The following SMIM14 variants were observed in gnomAD, a reference collection of about 807,000 sequenced individuals.
SMIM14 encodes the protein small integral membrane protein 14, also known as chromosome 4 open reading frame 34.
In SMIM14, 5 loss-of-function variants were observed where a neutral mutation model predicts 12.6. The observed-to-expected ratio is 0.40, with a 90% CI of 0.21 to 0.83. The LOEUF (loss-of-function observed/expected upper bound fraction) is 0.83. SMIM14 is among the 40% of genes least tolerant of loss of function. The probability of loss-of-function intolerance (pLI) is 0.37; values close to 1 mark genes in which losing one functional copy is unlikely to be tolerated. For synonymous variants in SMIM14, 30 were observed against 40.1 expected, an observed-to-expected ratio of 0.75 and a Z score of 0.95; for missense variants, 86 against 119.1, an observed-to-expected ratio of 0.72 and a Z score of 1.29.
intron 1 of SMIM14, among the ~76,000 whole-genome samples, chr4:39,631,674 T>A (rs929732381): frequency 4.7e-5 from 7 of 149,852 alleles, no homozygotes; most frequent in Admixed American, 6.6e-5. Flanking sequence ...AAAAAAAAAA[T>A]AAATATGTTA....
At chr4:39,609,568 G>A (rs992440732) in intron 1 of SMIM14, among the ~76,000 whole-genome samples, 4 of 152,150 alleles carry the variant, frequency 2.6e-5, no homozygotes, top group African/African-American at 9.7e-5. Context: ...ACATGTTGGA[G>A]GAACTGAAAG....
chr4:39,616,541 A>G (rs987642622), intron 1 of SMIM14, among the ~76,000 whole-genome samples: 29 of 151,914 alleles, frequency 1.9e-4, no homozygotes, highest in Admixed American at 6.6e-5. Context: ...TTCCTTTTTA[A>G]GTTAATCCTC....
chr4:39,633,831 T>C (rs776795514), intron 1 of SMIM14, among the ~76,000 whole-genome samples: 21 of 152,200 alleles, frequency 1.4e-4, no homozygotes, highest in South Asian at 6.2e-4. Context: ...GAGCAGGTAA[T>C]ACAAAAGGAA....
At chr4:39,588,816 TATAA>T (rs1713917372) in intron 2 of SMIM14, among the ~76,000 whole-genome samples, 1 of 151,656 alleles carries the variant, frequency 6.6e-6, no homozygotes, top group Non-Finnish European at 1.5e-5. Context: ...ATATTATTTA[TATAA>T]ATAATTAAAT....
At chr4:39,599,817 G>A (rs1271789041) in intron 2 of SMIM14, among the ~76,000 whole-genome samples, 1 of 151,998 alleles carries the variant, frequency 6.6e-6, no homozygotes, top group East Asian at 1.9e-4. Context: ...AGCTACTTGG[G>A]AGGCTGAGGC....
chr4:39,594,551 A>G (rs1364090356), intron 2 of SMIM14: 3 of 148,436 alleles, frequency 2.0e-5, no homozygotes, highest in Non-Finnish European at 4.5e-5. Context: ...AAATTGACAA[A>G]TGGGATCTAA....
At position 39,551,531 on chromosome 4, in the gene SMIM14, A is replaced by G. The variant is rs1250273696; in HGVS notation, c.*595T>C. ...TTTTTTCTCTCTTCCTATTCTAGCC[A>G]CATAAGCCAGTTTAATCCATGACAC... On this transcript the variant is annotated 3_prime_UTR_variant, in exon 5 of 5. Transcript: ENST00000295958. 3 of 152,620 alleles carry G rather than the reference A, an allele frequency of 2.0e-5. No homozygotes were observed. The highest frequency in any genetic ancestry group is 4.4e-5 in the Non-Finnish European group (3 of 68,040). The allele number at this position is 152,620 out of a possible 1,614,324, so 9.5% of individuals were successfully genotyped here. A position where few individuals can be genotyped will look rare whatever the true frequency, so the allele number is the denominator to read the frequency against.
intron 2 of SMIM14, chr4:39,592,528 A>C (rs907812685): frequency 2.6e-5 from 4 of 152,154 alleles, no homozygotes; most frequent in African/African-American, 9.7e-5. Context: ...GATTTTTTAA[A>C]ACATTCTGAT....
At chr4:39,602,615 G>A (rs1487303091) in intron 2 of SMIM14, among the ~76,000 whole-genome samples, 2 of 151,958 alleles carry the variant, frequency 1.3e-5, no homozygotes, top group Admixed American at 6.6e-5. Flanking sequence ...AAACAAAAAC[G>A]ATCGGCTCTT....
intron 1 of SMIM14, among the ~76,000 whole-genome samples, chr4:39,623,978 G>C (rs1715599161): frequency 6.6e-6 from 1 of 152,104 alleles, no homozygotes; most frequent in Non-Finnish European, 1.5e-5. Context: ...TAAAAAAATA[G>C]AACGTATGCA....
chr4:39,559,059 T>C (rs919000084), intron 3 of SMIM14, among the ~76,000 whole-genome samples: 1 of 152,220 alleles, frequency 6.6e-6, no homozygotes, highest in African/African-American at 2.4e-5. Context: ...GCTATCCACT[T>C]GGACTCCCCT....
In SMIM14 at chr4:39,581,518, C is replaced by CTTTTTTTTTTTTTT. The variant is rs1432369898; in HGVS notation, c.76-9069_76-9056dup. ...TTTTCGTTTTTTTCCTTTTCTTTTT[C>CTTTTTTTTTTTTTT]TTTTTTTTTTTTTTTGAGACAGGGT... On this transcript the variant is annotated intron_variant, in intron 2 of 4. Transcript: ENST00000295958. 1.9e-4 allele frequency among the ~76,000 whole-genome samples: 25 copies of CTTTTTTTTTTTTTT among 132,072 alleles called. No homozygotes were observed. In the East Asian group the frequency reaches 2.3e-3, roughly 12 times the overall value. The allele number at this position is 132,072 out of a possible 152,430, so 86.6% of individuals were successfully genotyped here.
At chr4:39,623,711 A>G (rs1369817407) in intron 1 of SMIM14, among the ~76,000 whole-genome samples, 1 of 152,084 alleles carries the variant, frequency 6.6e-6, no homozygotes, top group African/African-American at 2.4e-5. Context: ...AATACAAAAA[A>G]ATTAGCCGGG....
At chr4:39,608,437 T>C (rs139570136) in intron 1 of SMIM14, among the ~76,000 whole-genome samples, 20 of 152,330 alleles carry the variant, frequency 1.3e-4, no homozygotes, top group African/African-American at 4.8e-4. Context: ...CAAAATGTGG[T>C]ATACACATAC....
chr4:39,616,249 C>A (rs1368982074), intron 1 of SMIM14, among the ~76,000 whole-genome samples: 1 of 152,178 alleles, frequency 6.6e-6, no homozygotes, highest in Non-Finnish European at 1.5e-5. Context: ...AATTCTCCTG[C>A]CTCAGCCTCC....
chr4:39,579,485 G>A (rs1279222535), intron 2 of SMIM14, among the ~76,000 whole-genome samples: 1 of 151,424 alleles, frequency 6.6e-6, no homozygotes, highest in Non-Finnish European at 1.5e-5. Context: ...ACTTGCCACA[G>A]AGATATGCTA....
chr4:39,563,879 T>TTCC (rs950456197), intron 3 of SMIM14, among the ~76,000 whole-genome samples: 2 of 152,080 alleles, frequency 1.3e-5, no homozygotes, highest in African/African-American at 4.8e-5. Context: ...CTTTCTCCTC[T>TTCC]TCCTCCTCCT....
chr4:39,602,721 A>C (rs1197584844), intron 2 of SMIM14, among the ~76,000 whole-genome samples: 3 of 152,138 alleles, frequency 2.0e-5, no homozygotes, highest in Non-Finnish European at 4.4e-5. Context: ...TACCCTCAAG[A>C]GTCTGATTTA....
chr4:39,607,655 T>C (rs1235657301), intron 1 of SMIM14, among the ~76,000 whole-genome samples: 1 of 152,204 alleles, frequency 6.6e-6, no homozygotes, highest in Non-Finnish European at 1.5e-5. Flanking sequence ...GGTGTTCACA[T>C]TCCAGTAGTA....
Sources: allele counts gnomAD v4.1 joint callset (sites outside exome capture counted in the v4.1 genomes callset), GRCh38; gene constraint gnomAD v4.1.1; transcripts MANE v1.5; gene names NCBI Gene and HGNC (gene_info 2026-07-23, HGNC 2026-07-21).